Variants in SYNE1 observed in about 807,000 individuals in gnomAD.
SYNE1 encodes spectrin repeat containing nuclear envelope protein 1.
In SYNE1, 616 loss-of-function variants were observed where a neutral mutation model predicts 1,111.0. That is an observed-to-expected ratio of 0.55 (90% CI 0.52 to 0.59). The LOEUF (loss-of-function observed/expected upper bound fraction) is 0.59. Ranked by LOEUF, SYNE1 falls within the 20% of genes least tolerant of loss-of-function variation. The pLI is 0.00. For missense variants in SYNE1, 10,006 were observed against 10,417.0 expected (o/e 0.96, Z 1.72); for synonymous variants, 3,855 against 3,825.8 (o/e 1.01, Z -0.28).
At chr6:152,230,449 A>G (rs1474942032) in intron 115 of SYNE1, 98 bp downstream of exon 115, 2 of 1,294,948 alleles carry the variant, frequency 1.5e-6, no homozygotes, top group Non-Finnish European at 2.2e-6. Flanking sequence ...TTAAATATTT[A>G]AAAAAATATT....
At chr6:152,338,322 C>G (rs1477509211) in intron 75 of SYNE1, among the ~76,000 whole-genome samples, 1 of 151,842 alleles carries the variant, frequency 6.6e-6, no homozygotes, top group Non-Finnish European at 1.5e-5. Flanking sequence ...TCTTATTTTT[C>G]TTTTAAACTC....
Position 152,362,286 on chromosome 6 carries a change from G to A in SYNE1, c.10183C>T (p.Gln3395Ter). The A allele has an allele frequency of 6.2e-7, 1 of 1,614,204 alleles. No individual in the cohort carries two copies. Among genetic ancestry groups the A allele is most frequent in the Non-Finnish European group, 8.5e-7 (1 of 1,180,036 alleles). ...CCGGAGAACTGTCGAACGCCATCCT[G>A]ATAACTTGTCCACTTGGAGAGAGCT... ...EGALSKWTSY[Q>*]DGVRQFSGWM... The change falls in exon 64 of 146, where the codon CAG (glutamine) becomes TAG (stop). Residue 3395 changes from glutamine (Q) to a stop codon, truncating the protein, a stop_gained. Coordinates refer to ENST00000367255, the MANE Select transcript of SYNE1 (RefSeq NM_182961.4). LOFTEE classifies it high-confidence loss of function.
chr6:152,477,070 A>T (rs1157116553), intron 14 of SYNE1, among the ~76,000 whole-genome samples: 4 of 152,150 alleles, frequency 2.6e-5, no homozygotes, highest in Non-Finnish European at 1.5e-5. Flanking sequence ...TATGCTAATA[A>T]TTCTGAAGAC....
intron 108 of SYNE1, among the ~76,000 whole-genome samples, chr6:152,237,742 A>C (rs2084548329): frequency 6.6e-6 from 1 of 152,260 alleles, no homozygotes; most frequent in Non-Finnish European, 1.5e-5. Flanking sequence ...ATAAATATGA[A>C]TATATAGTTT....
intron 139 of SYNE1, among the ~76,000 whole-genome samples, chr6:152,140,885 T>A (rs952621830): frequency 2.1e-4 from 32 of 151,496 alleles, no homozygotes; most frequent in African/African-American, 7.5e-4. Context: ...TACAAAAAAA[T>A]TTAGCTGGGC....
chr6:152,535,109 C>T (rs1274991036), intron 4 of SYNE1, among the ~76,000 whole-genome samples: 2 of 152,172 alleles, frequency 1.3e-5, no homozygotes, highest in Non-Finnish European at 2.9e-5. Context: ...TAGCATGGGT[C>T]CTAATCCAAT....
At position 152,495,226 on chromosome 6, in the gene SYNE1, A is replaced by G. The variant is rs113634371; in HGVS notation, c.939+3516T>C. On this transcript the variant is annotated intron_variant, in intron 11 of 145. Coordinates refer to ENST00000367255, the MANE Select transcript of SYNE1 (RefSeq NM_182961.4). The stretch of plus-strand genomic sequence containing the variant: ...GGATTGGCAGATTGACTTTACCCAC[A>G]TGCCCCGAGTCAGGAAACTAAAATA... Among the ~76,000 whole-genome samples the G allele has an allele frequency of 1.4e-4, 22 of 152,226 alleles. 1 individual carries two copies. The highest frequency in any genetic ancestry group is 5.1e-4 in the African/African-American group (21 of 41,542).
At chr6:152,596,266 G>GTTTTTTTTTTT (rs1480694776) in intron 3 of SYNE1, among the ~76,000 whole-genome samples, 2 of 118,756 alleles carry the variant, frequency 1.7e-5, no homozygotes, top group African/African-American at 4.0e-5. Context: ...TTTTTTGTTT[G>GTTTTTTTTTTT]TTTGTTTTTT....
chr6:152,176,516 C>G lies in SYNE1; in HGVS notation c.23505G>C (p.Gln7835His), dbSNP rs763157091. 1 of 1,613,744 alleles carries G rather than the reference C, an allele frequency of 6.2e-7. No individual in the cohort carries two copies. The highest frequency in any genetic ancestry group is 1.3e-5 in the African/African-American group (1 of 74,886). The change falls in exon 130 of 146, where the codon CAG (glutamine) becomes CAC (histidine). Residue 7835 changes from glutamine (Q) to histidine (H), a missense_variant. Gln to His is a conservative substitution (Grantham distance 24). Around this residue, in one of 7 missense-constraint regions of SYNE1, gnomAD observed 2,182 missense variants for 2,287.8 expected, o/e 0.95. Coordinates refer to ENST00000367255, the MANE Select transcript of SYNE1 (RefSeq NM_182961.4). ...CAAGTCGTTCTCCCATTTGTTGGAG[C>G]TGTATTTTGTTCTCTTGAGCAATAG... is the stretch of plus-strand genomic sequence containing the variant. ...EIAIAQENKI[Q>H]LQQMGERLAK...
Position 152,503,192 on chromosome 6 carries a change from T to C in SYNE1, c.779-450A>G, listed in dbSNP as rs529493600. On this transcript the variant is annotated intron_variant, in intron 9 of 145. Transcript: ENST00000367255. ...ACACTGAATGACATATATATATATA[T>C]ACACACACTATATATGGCCAAATAT... Among the ~76,000 whole-genome samples the C allele has an allele frequency of 1.4e-4, 21 of 152,188 alleles. No homozygotes were observed. The East Asian group carries it at 3.3e-3, about 24-fold the overall frequency.
chr6:152,214,867 G>C (rs1057432683), intron 122 of SYNE1, 39 bp downstream of exon 122: 4 of 1,613,038 alleles, frequency 2.5e-6, no homozygotes, highest in Non-Finnish European at 3.4e-6. Flanking sequence ...ACCAGACTAA[G>C]ACAACTGGAG....
At chr6:152,279,791 T>C (rs1377654340) in intron 97 of SYNE1, among the ~76,000 whole-genome samples, 1 of 151,776 alleles carries the variant, frequency 6.6e-6, no homozygotes, top group Non-Finnish European at 1.5e-5. Context: ...ATACTTTTAT[T>C]AAAATAGGAA....
chr6:152,373,137 G>C lies in SYNE1; in HGVS notation c.9407C>G (p.Thr3136Ser), dbSNP rs766460713. The C allele has an allele frequency of 1.2e-5, 19 of 1,613,952 alleles. No homozygotes were observed. Among genetic ancestry groups the C allele is most frequent in the Non-Finnish European group, 1.5e-5 (18 of 1,180,020 alleles). Residue 3136 changes from threonine to serine, a missense_variant, in exon 59 of 146, where the codon ACC (threonine) becomes AGC (serine). Transcript: ENST00000367255. ...SKGELLSTLL[T>S]KEKAKGIQAK... The stretch of plus-strand genomic sequence containing the variant: ...CTGGATCCCTTTCGCTTTCTCTTTG[G>C]TCAGCAGGGTACTCAGAAGTTCCCC...
Position 152,136,669 on chromosome 6 carries a change from A to G in SYNE1, c.25608T>C (p.Ser8536=). The G allele has an allele frequency of 6.2e-7, 1 of 1,614,150 alleles. No individual in the cohort carries two copies. The change falls in exon 141 of 146, where the codon TCT becomes TCC. Residue 8536 remains serine, a synonymous_variant. Transcript: ENST00000367255. ...QMNGRWDRVC[S]LLEEWRGLLQ... is the part of the protein sequence containing the mutation. ...GCAGGCCCCGCCACTCCTCCAGCAG[A>G]GAGCACACTCGGTCCCAGCGCCCAT...
intron 67 of SYNE1, among the ~76,000 whole-genome samples, chr6:152,354,199 C>T (rs2096794641): frequency 6.6e-6 from 1 of 152,046 alleles, no homozygotes. Flanking sequence ...TTTTAGACCT[C>T]CTATTGTACC....
chr6:152,202,063 A>AGCCATCAGTGTAACT, intron 126 of SYNE1, 114 bp from the exon 127 acceptor site: 2 of 1,379,060 alleles, frequency 1.5e-6, no homozygotes, highest in Non-Finnish European at 2.0e-6. Flanking sequence ...AGTTACACTG[A>AGCCATCAGTGTAACT]TGGCTGAGTG....
At chr6:152,523,062 T>C (rs912962123) in intron 5 of SYNE1, among the ~76,000 whole-genome samples, 1 of 152,074 alleles carries the variant, frequency 6.6e-6, no homozygotes, top group African/African-American at 2.4e-5. Context: ...TTTAATTAGG[T>C]CCATTTATCT....
intron 130 of SYNE1, among the ~76,000 whole-genome samples, chr6:152,169,390 G>T (rs1271577098): frequency 1.3e-5 from 2 of 151,546 alleles, no homozygotes; most frequent in African/African-American, 2.4e-5. Context: ...GTGAAACCCT[G>T]TCTCTACTAA....
intron 41 of SYNE1, among the ~76,000 whole-genome samples, chr6:152,414,021 A>C (rs1294053918): frequency 6.7e-6 from 1 of 148,390 alleles, no homozygotes; most frequent in Admixed American, 6.7e-5. Flanking sequence ...TTTTTTTTTT[A>C]AACTTAAATT....
Sources: allele counts gnomAD v4.1 joint callset (sites outside exome capture counted in the v4.1 genomes callset), GRCh38; gene constraint gnomAD v4.1.1; regional missense constraint gnomAD v4.1.1; transcripts MANE v1.5; gene names NCBI Gene and HGNC (gene_info 2026-07-23, HGNC 2026-07-21).